Variants in DELE1 observed in about 807,000 individuals in gnomAD.
The protein encoded by DELE1 is DAP3 binding cell death enhancer 1, also known as death ligand signal enhancer.
Under a neutral mutation model 59.3 loss-of-function variants are expected in DELE1, and 54 were observed. That is an observed-to-expected ratio of 0.91 (90% CI 0.73 to 1.14). DELE1 has a LOEUF of 1.14. DELE1 is among the 50% of genes most tolerant of loss of function. The pLI is 0.00. For missense variants in DELE1, 636 were observed against 643.9 expected (o/e 0.99, Z 0.13); for synonymous variants, 264 against 259.1 (o/e 1.02, Z -0.18).
rs561928620 is a variant in DELE1, at chr5:141,927,335, G to C, written c.265-816G>C. On this transcript the variant is annotated intron_variant, in intron 3 of 11. Coordinates refer to ENST00000432126, the MANE Select transcript of DELE1 (RefSeq NM_014773.5). ...CATGCCTCAACCTCCGAGTAGTTGG[G>C]ATTACAGGTGTGCCCCACCACGCCT... 8.5e-5 allele frequency among the ~76,000 whole-genome samples: 13 copies of C among 152,250 alleles called. No homozygotes were observed. The East Asian group carries it at 2.5e-3, about 29-fold the overall frequency.
Position 141,928,282 on chromosome 5 carries a change from G to A in DELE1, c.396G>A (p.Leu132=). The A allele has an allele frequency of 6.2e-7, 1 of 1,614,136 alleles. No individual in the cohort carries two copies. Among genetic ancestry groups the A allele is most frequent in the Non-Finnish European group, 8.5e-7 (1 of 1,180,000 alleles). ...TGGACCGTTTCTTCTCATCTCCCTT[G>A]TGGCACCCATGCTCCTGTGAGTTCT... The part of the protein sequence containing the change: ...SPLDRFFSSP[L]WHPCSSLRQH... Residue 132 remains leucine (L), a synonymous_variant, in exon 4 of 12, where the codon TTG becomes TTA. Transcript: ENST00000432126.
Position 141,934,407 on chromosome 5 carries a change from C to G in DELE1, c.1056+9C>G. The G allele has an allele frequency of 6.2e-6, 10 of 1,614,214 alleles. No homozygotes were observed. The highest frequency in any genetic ancestry group is 7.6e-6 in the Non-Finnish European group (9 of 1,180,032). On this transcript the variant is annotated intron_variant, in intron 9 of 11. Transcript: ENST00000432126. Reference sequence around the variant, plus strand: ...ACTCAGGCTTGAGAGAGGTGAGTGCCATTGGCAGGGTCTGTTCAAGGTCTC... The same window carrying G: ...ACTCAGGCTTGAGAGAGGTGAGTGCGATTGGCAGGGTCTGTTCAAGGTCTC...
At chr5:141,934,736 G>A in intron 10 of DELE1, 150 bp downstream of exon 10, 2 of 729,444 alleles carry the variant, frequency 2.7e-6, no homozygotes, top group Non-Finnish European at 4.5e-6. Flanking sequence ...GACTTACTGT[G>A]TGACCGTTGG....
Position 141,928,255 on chromosome 5 carries a change from C to A in DELE1, c.369C>A (p.Pro123=), listed in dbSNP as rs1473189508. The A allele has an allele frequency of 4.3e-6, 7 of 1,614,082 alleles. No individual in the cohort carries two copies. The highest frequency in any genetic ancestry group is 5.9e-6 in the Non-Finnish European group (7 of 1,180,026). The stretch of plus-strand genomic sequence containing the variant: ...TAGAACACTGCTCCTGGCACAGTCC[C>A]CTGGACCGTTTCTTCTCATCTCCCT... ...QRVEHCSWHS[P]LDRFFSSPLW... The change falls in exon 4 of 12, where the codon CCC becomes CCA. Residue 123 remains proline (P), a synonymous_variant. Coordinates refer to ENST00000432126, the MANE Select transcript of DELE1 (RefSeq NM_014773.5).
chr5:141,938,117 C>T (rs189949295), intron 11 of DELE1, among the ~76,000 whole-genome samples: 30 of 152,092 alleles, frequency 2.0e-4, no homozygotes, highest in Admixed American at 3.3e-4. Flanking sequence ...TGAGCCACCG[C>T]GCCCAGTCAA....
chr5:141,928,004 C>T, intron 3 of DELE1, 147 bp from the exon 4 acceptor site: 1 of 793,880 alleles, frequency 1.3e-6, no homozygotes, highest in Non-Finnish European at 2.0e-6. Context: ...GTGGTCAGGG[C>T]TCCAGAGAAG....
In DELE1 at chr5:141,938,542, C is replaced by G; in HGVS notation, c.1331C>G (p.Thr444Arg). 2 of 1,614,076 alleles carry G rather than the reference C, an allele frequency of 1.2e-6. No individual in the cohort carries two copies. The highest frequency in any genetic ancestry group is 1.7e-6 in the Non-Finnish European group (2 of 1,179,944). The change falls in exon 12 of 12, where the codon ACA (threonine) becomes AGA (arginine). Residue 444 changes from threonine to arginine, a missense_variant. By Grantham distance (71) the Thr-to-Arg change is moderately conservative. Coordinates refer to ENST00000432126, the MANE Select transcript of DELE1 (RefSeq NM_014773.5). ...GTAGCCCCGGGGCCCAGCGACCTGACAGTTACAGGACTGAAGTCTTTCTCC... is the reference window on the plus strand; with the variant it reads ...GTAGCCCCGGGGCCCAGCGACCTGAGAGTTACAGGACTGAAGTCTTTCTCC... Reference protein sequence around the residue: ...GAAAPGPSDLTVTGLKSFSSP... With the variant: ...GAAAPGPSDLRVTGLKSFSSP...
intron 11 of DELE1, 93 bp from the exon 12 acceptor site, chr5:141,938,428 T>TG: frequency 6.5e-7 from 1 of 1,532,984 alleles, no homozygotes; most frequent in Non-Finnish European, 8.8e-7. Flanking sequence ...TAACAATGCC[T>TG]GGGGAACCAA....
chr5:141,934,093 A>G (rs1211038118), intron 8 of DELE1, 147 bp from the exon 9 acceptor site: 3 of 649,912 alleles, frequency 4.6e-6, no homozygotes, highest in South Asian at 4.1e-5. Flanking sequence ...TTTGGTTTAT[A>G]TTTTTAAATT....
Position 141,940,386 on chromosome 5 carries a change from A to G in DELE1, c.*1627A>G. Reference sequence around the variant, plus strand: ...GCTTCTGGATGTTAGCCCAAGTTGAATAGCATAGATGTGGTTGAGAGTGGG... The same window carrying G: ...GCTTCTGGATGTTAGCCCAAGTTGAGTAGCATAGATGTGGTTGAGAGTGGG... On this transcript the variant is annotated 3_prime_UTR_variant, in exon 12 of 12. Transcript: ENST00000432126. 5.1e-6 allele frequency: 5 copies of G among 985,096 alleles called. No individual in the cohort carries two copies. The highest frequency in any genetic ancestry group is 6.0e-6 in the Non-Finnish European group (5 of 829,934). 61.0% of individuals were successfully genotyped at this position (985,096 alleles called of 1,614,324 possible).
Position 141,939,847 on chromosome 5 carries a change from C to T in DELE1, c.*1088C>T, listed in dbSNP as rs1385363385. On this transcript the variant is annotated 3_prime_UTR_variant, in exon 12 of 12. Transcript: ENST00000432126. The stretch of plus-strand genomic sequence containing the variant: ...GAAGACAAATGCAAGGGCATTTCAC[C>T]ACAGAGAGGACCTTTGTGCTCACTT... 1 of 557,694 alleles carries T rather than the reference C, an allele frequency of 1.8e-6. No individual in the cohort carries two copies. Among genetic ancestry groups the T allele is most frequent in the Non-Finnish European group, 2.3e-6 (1 of 439,362 alleles). 34.5% of individuals were successfully genotyped at this position (557,694 alleles called of 1,614,324 possible). A position where few individuals can be genotyped will look rare whatever the true frequency, so the allele number is the denominator to read the frequency against.
In DELE1 at chr5:141,938,962, TCA is replaced by T; in HGVS notation, c.*206_*207del. 7.1e-7 allele frequency: 1 copy of T among 1,406,930 alleles called. No individual in the cohort carries two copies. Among genetic ancestry groups the T allele is most frequent in the Non-Finnish European group, 9.2e-7 (1 of 1,083,334 alleles). The allele number at this position is 1,406,930 out of a possible 1,614,324, so 87.2% of individuals were successfully genotyped here. A position where few individuals can be genotyped will look rare whatever the true frequency, so the allele number is the denominator to read the frequency against. ...CCTCACAGATGAGTCTTGGATGCAT[TCA>T]CAGTCATTTCTGGTCTGTGCACCAA... is the stretch of plus-strand genomic sequence containing the variant. On this transcript the variant is annotated 3_prime_UTR_variant, in exon 12 of 12. Transcript: ENST00000432126.
At position 141,934,586 on chromosome 5, in the gene DELE1, G is replaced by T; in HGVS notation, c.1149G>T (p.Gly383=). ...ATCTTTGGCTTGCAGCCAACAATGGGGTATGCGATCTCAGTGGACAAGCAT... is the reference window on the plus strand; with the variant it reads ...ATCTTTGGCTTGCAGCCAACAATGGTGTATGCGATCTCAGTGGACAAGCAT... ...VKYLWLAANN[G]DSQSRYHLGI... The change falls in exon 10 of 12, where the codon GGG becomes GGT. Residue 383 remains glycine (G), a splice_region_variant and synonymous_variant. Coordinates refer to ENST00000432126, the MANE Select transcript of DELE1 (RefSeq NM_014773.5). The T allele has an allele frequency of 6.2e-7, 1 of 1,613,828 alleles. No individual in the cohort carries two copies. Among genetic ancestry groups the T allele is most frequent in the South Asian group, 1.1e-5 (1 of 91,082 alleles).
rs1476016455 is a variant in DELE1 at position 141,940,266 on chromosome 5, A to G, written c.*1507A>G. On this transcript the variant is annotated 3_prime_UTR_variant, in exon 12 of 12. Transcript: ENST00000432126. ...TCCACTAACCAATTTAAAGGATCTTAAAAGCTTCTCCAGGAGAGAGACTTA... is the reference window on the plus strand; with the variant it reads ...TCCACTAACCAATTTAAAGGATCTTGAAAGCTTCTCCAGGAGAGAGACTTA... The G allele has an allele frequency of 1.0e-6, 1 of 985,486 alleles. No homozygotes were observed. Among genetic ancestry groups the G allele is most frequent in the East Asian group, 1.1e-4 (1 of 8,818 alleles). 61.0% of individuals were successfully genotyped at this position (985,486 alleles called of 1,614,324 possible).
intron 7 of DELE1, among the ~76,000 whole-genome samples, chr5:141,931,637 G>T (rs577200783): frequency 6.6e-6 from 1 of 152,274 alleles, no homozygotes; most frequent in East Asian, 1.9e-4. Flanking sequence ...GATGGATCTG[G>T]TTATATTAAT....
At chr5:141,924,077 G>T in intron 1 of DELE1, 105 bp downstream of exon 1, 1 of 1,434,358 alleles carries the variant, frequency 7.0e-7, no homozygotes, top group South Asian at 1.2e-5. Context: ...CCGGGTTAGA[G>T]CCAAGGAAGG....
At chr5:141,925,010 C>T (rs1156711744) in intron 2 of DELE1, among the ~76,000 whole-genome samples, 2 of 152,130 alleles carry the variant, frequency 1.3e-5, no homozygotes, top group Non-Finnish European at 2.9e-5. Flanking sequence ...TCACTGAAAC[C>T]TCCGCCTCCT....
Position 141,934,590 on chromosome 5 carries a change from T to C in DELE1, c.1149+4T>C. 6.2e-7 allele frequency: 1 copy of C among 1,613,606 alleles called. No homozygotes were observed. Among genetic ancestry groups the C allele is most frequent in the Non-Finnish European group, 8.5e-7 (1 of 1,179,458 alleles). On this transcript the variant is annotated splice_donor_region_variant and intron_variant, in intron 10 of 11. Transcript: ENST00000432126. ...TTGGCTTGCAGCCAACAATGGGGTA[T>C]GCGATCTCAGTGGACAAGCATGTTG... is the stretch of plus-strand genomic sequence containing the variant.
At chr5:141,928,648 T>C (rs1751624590) in intron 4 of DELE1, among the ~76,000 whole-genome samples, 1 of 152,218 alleles carries the variant, frequency 6.6e-6, no homozygotes, top group African/African-American at 2.4e-5. Flanking sequence ...GAGCACCTAT[T>C]ATGTGCCATG....
Sources: allele counts gnomAD v4.1 joint callset (sites outside exome capture counted in the v4.1 genomes callset), GRCh38; gene constraint gnomAD v4.1.1; transcripts MANE v1.5; gene names NCBI Gene and HGNC (gene_info 2026-07-23, HGNC 2026-07-21).